CEP89: variants seen among roughly 807,000 people sequenced by gnomAD.
CEP89 encodes the protein centrosomal protein 89, also known as centrosomal protein of 89 kDa.
Under a neutral mutation model 97.6 loss-of-function variants are expected in CEP89, and 95 were observed. The ratio of observed to expected loss-of-function variants is 0.97; its 90% CI spans 0.82 to 1.15. The LOEUF (loss-of-function observed/expected upper bound fraction) is 1.15, where lower values mean the gene tolerates loss of function less well. Ranked by LOEUF, CEP89 falls within the 50% of genes most tolerant of loss-of-function variation. The pLI is 0.00. For synonymous variants in CEP89, 354 were observed against 349.1 expected (o/e 1.01, Z -0.16); for missense variants, 869 against 947.7 (o/e 0.92, Z 1.09).
chr19:32,909,635 G>C (rs886704728), intron 14 of CEP89, among the ~76,000 whole-genome samples: 1 of 152,182 alleles, frequency 6.6e-6, no homozygotes, highest in African/African-American at 2.4e-5. Context: ...CACTAAATAA[G>C]AGCCAGACTA....
intron 16 of CEP89, among the ~76,000 whole-genome samples, chr19:32,898,446 A>G (rs1386722592): frequency 6.6e-6 from 1 of 152,214 alleles, no homozygotes; most frequent in Non-Finnish European, 1.5e-5. Flanking sequence ...AGGTTGCTTA[A>G]TAGGTATAAG....
intron 3 of CEP89, among the ~76,000 whole-genome samples, chr19:32,956,921 G>A (rs983542619): frequency 1.3e-5 from 2 of 152,162 alleles, no homozygotes; most frequent in Non-Finnish European, 2.9e-5. Flanking sequence ...ATAGAGTATA[G>A]TCCTTCATTC....
rs1476290449 is a variant in CEP89 at position 32,937,638 on chromosome 19, G to T, written c.660C>A (p.Pro220=). The T allele has an allele frequency of 1.0e-5, 16 of 1,604,308 alleles. No individual in the cohort carries two copies. The highest frequency in any genetic ancestry group is 1.3e-5 in the African/African-American group (1 of 74,668). ...EKPPLCEKPP[P]SPDITGRARQ... ...AATTCAAAAGGCAAATACCTGGGGA[G>T]GGTGGAGGTTTCTCACATAATGGAG... The change falls in exon 7 of 19, where the codon CCC becomes CCA. Residue 220 remains proline (P), a synonymous_variant. Coordinates refer to ENST00000305768, the MANE Select transcript of CEP89 (RefSeq NM_032816.5).
chr19:32,891,343 G>GCACACACACAAA (rs1555788234), intron 16 of CEP89, among the ~76,000 whole-genome samples: 2 of 123,266 alleles, frequency 1.6e-5, no homozygotes, highest in East Asian at 4.8e-4. Context: ...GTTGCCCCAG[G>GCACACACACAAA]CACACACACA....
At position 32,887,800 on chromosome 19, in the gene CEP89, T is replaced by C. The variant is rs1257788172; in HGVS notation, c.1917A>G (p.Lys639=). 8.7e-6 allele frequency: 14 copies of C among 1,613,476 alleles called. No individual in the cohort carries two copies. Among genetic ancestry groups the C allele is most frequent in the Non-Finnish European group, 1.1e-5 (13 of 1,179,470 alleles). Residue 639 remains lysine (K), a synonymous_variant, in exon 17 of 19, where the codon AAA becomes AAG. Transcript: ENST00000305768. ...CCAGGCGAATGTTGCTTTTTATGACTTTATTAAGCACTCCATCCTTCTCAC... is the reference window on the plus strand; with the variant it reads ...CCAGGCGAATGTTGCTTTTTATGACCTTATTAAGCACTCCATCCTTCTCAC... The part of the protein sequence containing the change: ...LESEKDGVLN[K]VIKSNIRLGK...
intron 5 of CEP89, among the ~76,000 whole-genome samples, chr19:32,944,070 T>C (rs997798785): frequency 6.6e-6 from 1 of 151,362 alleles, no homozygotes; most frequent in Non-Finnish European, 1.5e-5. Context: ...TCTAACAAAA[T>C]ACAAAAATTA....
chr19:32,959,684 G>A (rs1033825192), intron 3 of CEP89, among the ~76,000 whole-genome samples: 1 of 152,158 alleles, frequency 6.6e-6, no homozygotes, highest in Non-Finnish European at 1.5e-5. Flanking sequence ...AATCCAGATC[G>A]CAGAGCAATT....
chr19:32,879,495 G>A (rs961203651), intron 18 of CEP89, 117 bp from the exon 19 acceptor site: 22 of 809,228 alleles, frequency 2.7e-5, no homozygotes, highest in South Asian at 1.9e-4. Flanking sequence ...CAGAGCCCTC[G>A]GTGCCTGGGT....
At chr19:32,939,399 AGGC>A (rs1970640061) in intron 6 of CEP89, among the ~76,000 whole-genome samples, 1 of 152,166 alleles carries the variant, frequency 6.6e-6, no homozygotes, top group Admixed American at 6.6e-5. Context: ...ATTTAAGGCC[AGGC>A]ACAGTGGCTC....
At chr19:32,882,070 T>A in intron 17 of CEP89, 57 bp from the exon 18 acceptor site, 3 of 1,470,104 alleles carry the variant, frequency 2.0e-6, no homozygotes, top group Non-Finnish European at 2.8e-6. Flanking sequence ...GGGTGGACAG[T>A]GCCTCCTGGC....
intron 5 of CEP89, among the ~76,000 whole-genome samples, chr19:32,947,800 C>T (rs1970827477): frequency 6.6e-6 from 1 of 152,148 alleles, no homozygotes; most frequent in Non-Finnish European, 1.5e-5. Flanking sequence ...CGAGCCACCA[C>T]ACCCAGCCTT....
chr19:32,966,710 T>C (rs1350920014), intron 1 of CEP89, among the ~76,000 whole-genome samples: 2 of 152,146 alleles, frequency 1.3e-5, no homozygotes, highest in Non-Finnish European at 2.9e-5. Context: ...TCCTCAGAGC[T>C]TCCCTGGCTG....
chr19:32,898,581 C>A (rs993775162), intron 16 of CEP89, among the ~76,000 whole-genome samples: 5 of 152,008 alleles, frequency 3.3e-5, no homozygotes, highest in African/African-American at 1.2e-4. Flanking sequence ...TTCTCCACAC[C>A]CAGAAATGAT....
chr19:32,944,820 G>A (rs1970762536), intron 5 of CEP89, among the ~76,000 whole-genome samples: 4 of 152,228 alleles, frequency 2.6e-5, no homozygotes, highest in African/African-American at 9.6e-5. Flanking sequence ...CTAGAGTGCA[G>A]AGGGATGCAC....
intron 14 of CEP89, among the ~76,000 whole-genome samples, chr19:32,911,547 G>A (rs1220715066): frequency 6.6e-6 from 1 of 152,208 alleles, no homozygotes; most frequent in African/African-American, 2.4e-5. Flanking sequence ...CAGCTACTCA[G>A]GAGGCTGAAG....
chr19:32,919,418 T>C (rs1191330035), intron 12 of CEP89, among the ~76,000 whole-genome samples: 1 of 152,180 alleles, frequency 6.6e-6, no homozygotes, highest in Non-Finnish European at 1.5e-5. Context: ...ATTTTCCACT[T>C]GAAACCCTAC....
rs1362900249 is a variant in CEP89 at position 32,876,117 on chromosome 19, T to A, written c.*3045A>T. 1 of 152,222 alleles carries A rather than the reference T, an allele frequency of 6.6e-6. No homozygotes were observed. Among genetic ancestry groups the A allele is most frequent in the Non-Finnish European group, 1.5e-5 (1 of 68,276 alleles). 9.4% of individuals were successfully genotyped at this position (152,222 alleles called of 1,614,324 possible). On this transcript the variant is annotated 3_prime_UTR_variant, in exon 19 of 19. Coordinates refer to ENST00000305768, the MANE Select transcript of CEP89 (RefSeq NM_032816.5). ...CCCCAGGGCTGCTTTTACTTTTTAT[T>A]GTATTATTTTTGAGGCAGGGTCTCA... is the stretch of plus-strand genomic sequence containing the variant.
intron 5 of CEP89, among the ~76,000 whole-genome samples, chr19:32,940,668 C>T (rs1018595035): frequency 7.2e-5 from 11 of 152,228 alleles, no homozygotes; most frequent in Non-Finnish European, 1.5e-5. Flanking sequence ...TACTCATCTT[C>T]CACACATCTG....
intron 17 of CEP89, among the ~76,000 whole-genome samples, chr19:32,885,611 T>C (rs764694877): frequency 2.0e-5 from 3 of 152,212 alleles, no homozygotes; most frequent in Non-Finnish European, 2.9e-5. Flanking sequence ...CATGAGTCAC[T>C]GTGCCTGGCC....
Sources: allele counts gnomAD v4.1 joint callset (sites outside exome capture counted in the v4.1 genomes callset), GRCh38; gene constraint gnomAD v4.1.1; transcripts MANE v1.5; gene names NCBI Gene and HGNC (gene_info 2026-07-23, HGNC 2026-07-21).